The following TMEM145 variants were observed in gnomAD, a reference collection of about 807,000 sequenced individuals.
TMEM145 encodes transmembrane protein 145.
TMEM145 carries 46 observed loss-of-function variants against 68.5 expected under a neutral mutation model. The ratio of observed to expected loss-of-function variants is 0.67; its 90% CI spans 0.53 to 0.86. TMEM145 has a LOEUF of 0.86. TMEM145 is among the 40% of genes least tolerant of loss of function. The pLI is 0.00. For synonymous variants in TMEM145, 255 were observed against 280.2 expected, an observed-to-expected ratio of 0.91 and a Z score of 0.90; for missense variants, 570 against 645.8, an observed-to-expected ratio of 0.88 and a Z score of 1.27.
intron 12 of TMEM145, among the ~76,000 whole-genome samples, chr19:42,319,440 T>G (rs577379224): frequency 4.2e-4 from 64 of 152,306 alleles, no homozygotes; most frequent in African/African-American, 8.7e-4. Context: ...ATCTATTTTT[T>G]TTTGTTTGTT....
intron 13 of TMEM145, 30 bp downstream of exon 13, chr19:42,320,467 G>A (rs776140776): frequency 1.2e-6 from 2 of 1,612,920 alleles, no homozygotes; most frequent in African/African-American, 1.3e-5. Flanking sequence ...GGGGGTGGAG[G>A]GGAGGACCCG....
intron 11 of TMEM145, among the ~76,000 whole-genome samples, 155 bp from the exon 12 acceptor site, chr19:42,317,554 C>G (rs1243557614): frequency 6.6e-6 from 1 of 152,196 alleles, no homozygotes; most frequent in Non-Finnish European, 1.5e-5. Flanking sequence ...CACCCTCTCT[C>G]TCTACCTCAA....
In TMEM145 at chr19:42,324,761, T is replaced by C; in HGVS notation, c.1426T>C (p.Ser476Pro). 1 of 1,559,010 alleles carries C rather than the reference T, an allele frequency of 6.4e-7. No individual in the cohort carries two copies. The highest frequency in any genetic ancestry group is 8.6e-7 in the Non-Finnish European group (1 of 1,160,926). Reference protein sequence around the residue: ...TSPLPRAAPDSGLPLFRDLRP... With the variant: ...TSPLPRAAPDPGLPLFRDLRP... ...GCCCCTGCCCCGAGCGGCGCCGGAT[T>C]CTGGGCTCCCGCTGTTCCGTGACCT... Residue 476 changes from serine (S) to proline (P), a missense_variant, in exon 15 of 15, where the codon TCT becomes CCT. By Grantham distance (74) the Ser-to-Pro change is moderately conservative. Transcript: ENST00000301204.
chr19:42,313,475 G>T lies in TMEM145; in HGVS notation c.99G>T (p.Arg33=). 7.5e-7 allele frequency: 1 copy of T among 1,341,506 alleles called. No individual in the cohort carries two copies. The highest frequency in any genetic ancestry group is 1.5e-5 in the African/African-American group (1 of 65,220). 83.1% of individuals were successfully genotyped at this position (1,341,506 alleles called of 1,614,324 possible). A position where few individuals can be genotyped will look rare whatever the true frequency, so the allele number is the denominator to read the frequency against. ...LPPRARAKYV[R]GNLSSKEDWV... is the part of the protein sequence containing the mutation. ...CCCGCGCCCGGGCCAAGTACGTGCGGGGCAACCTCAGTTCCAAGGAGGTGA... is the reference window on the plus strand; with the variant it reads ...CCCGCGCCCGGGCCAAGTACGTGCGTGGCAACCTCAGTTCCAAGGAGGTGA... Residue 33 remains arginine, a synonymous_variant, in exon 1 of 15, where the codon CGG becomes CGT. Transcript: ENST00000301204. This position sits in a 1 kb window ranked among gnomAD's most constrained non-coding sequence, Gnocchi z 5.1.
chr19:42,314,736 A>G, intron 4 of TMEM145, 37 bp downstream of exon 4: 1 of 1,614,146 alleles, frequency 6.2e-7, no homozygotes, highest in Non-Finnish European at 8.5e-7. Context: ...CAGGTGCTGA[A>G]GGATGAAGCC....
intron 13 of TMEM145, among the ~76,000 whole-genome samples, chr19:42,322,743 T>C (rs921236037): frequency 1.3e-5 from 2 of 151,904 alleles, no homozygotes; most frequent in Admixed American, 6.6e-5. Context: ...TCCTCTGTCG[T>C]CCAGGTTGGA....
chr19:42,320,469 G>T, intron 13 of TMEM145, 32 bp downstream of exon 13: 1 of 1,612,892 alleles, frequency 6.2e-7, no homozygotes, highest in Non-Finnish European at 8.5e-7. Flanking sequence ...GGGTGGAGGG[G>T]AGGACCCGAG....
rs1272609300 is a variant in TMEM145 at position 42,313,435 on chromosome 19, TG to T, written c.60del (p.Leu21CysfsTer25). 1 of 1,379,372 alleles carries T rather than the reference TG, an allele frequency of 7.2e-7. No individual in the cohort carries two copies. Among genetic ancestry groups the T allele is most frequent in the South Asian group, 1.7e-5 (1 of 58,378 alleles). 85.4% of individuals were successfully genotyped at this position (1,379,372 alleles called of 1,614,324 possible). A position where few individuals can be genotyped will look rare whatever the true frequency, so the allele number is the denominator to read the frequency against. ...CTGCTGCCGCCGCTGCTGCTCCTGC[TG>T]CTGTCACTGCCCCCCCGCGCCCGGG... ...RRLLPPLLLLLLSLPPRARAK... is the reference protein window; with the variant it reads ...RRLLPPLLLLXLSLPPRARAK... On this transcript the variant is annotated frameshift_variant, in exon 1 of 15. Coordinates refer to ENST00000301204, the MANE Select transcript of TMEM145 (RefSeq NM_173633.3). LOFTEE classifies it high-confidence loss of function. The surrounding 1 kb of genome is among the most constrained non-coding windows in gnomAD (Gnocchi z 5.1).
Position 42,313,667 on chromosome 19 carries a change from G to A in TMEM145, c.120+171G>A, listed in dbSNP as rs2038825351. Among the ~76,000 whole-genome samples, 1 of 152,138 alleles carries A rather than the reference G, an allele frequency of 6.6e-6. No homozygotes were observed. The highest frequency in any genetic ancestry group is 2.4e-5 in the African/African-American group (1 of 41,446). On this transcript the variant is annotated intron_variant, in intron 1 of 14. Coordinates refer to ENST00000301204, the MANE Select transcript of TMEM145 (RefSeq NM_173633.3). The surrounding 1 kb of genome is among the most constrained non-coding windows in gnomAD (Gnocchi z 5.1). ...ACTGGGCCAGAGTCGAGGCTAAGGG[G>A]AGCCGTAGGGTCGCGGCCAGACCTG...
In TMEM145 at chr19:42,320,442, G is replaced by C; in HGVS notation, c.1194+5G>C. On this transcript the variant is annotated splice_donor_5th_base_variant and intron_variant, in intron 13 of 14. Coordinates refer to ENST00000301204, the MANE Select transcript of TMEM145 (RefSeq NM_173633.3). Reference sequence around the variant, plus strand: ...TACGCCCATGGCGTGTTTCTGGTGAGGATGGGCATCTGTGGGGGGTGGAGG... The same window carrying C: ...TACGCCCATGGCGTGTTTCTGGTGACGATGGGCATCTGTGGGGGGTGGAGG... The C allele has an allele frequency of 6.2e-7, 1 of 1,613,826 alleles. No individual in the cohort carries two copies. The highest frequency in any genetic ancestry group is 8.5e-7 in the Non-Finnish European group (1 of 1,180,014).
In TMEM145 at chr19:42,314,814, G is replaced by A. The variant is rs915648670; in HGVS notation, c.383G>A (p.Arg128His). 1.3e-5 allele frequency: 21 copies of A among 1,614,100 alleles called. No homozygotes were observed. The highest frequency in any genetic ancestry group is 3.3e-5 in the South Asian group (3 of 91,090). Residue 128 changes from arginine to histidine, a missense_variant, in exon 5 of 15, where the codon CGC (arginine) becomes CAC (histidine). Physicochemically the swap from Arg to His is conservative, Grantham distance 29 (BLOSUM62 0). Coordinates refer to ENST00000301204, the MANE Select transcript of TMEM145 (RefSeq NM_173633.3). ...GCQVVSEEGT[R>H]YLSCSSGRSF... ...CAGGTGGTATCAGAGGAGGGAACCC[G>A]CTACCTGAGCTGCTCCAGTGGCCGC... is the stretch of plus-strand genomic sequence containing the variant.
chr19:42,318,596 A>G (rs1003204250), intron 12 of TMEM145, among the ~76,000 whole-genome samples: 1 of 151,676 alleles, frequency 6.6e-6, no homozygotes, highest in African/African-American at 2.4e-5. Flanking sequence ...CTGAGGCAGG[A>G]GAATTGCTTG....
chr19:42,323,767 C>T lies in TMEM145; in HGVS notation c.1379C>T (p.Ser460Phe), dbSNP rs768867486. 3 of 1,614,104 alleles carry T rather than the reference C, an allele frequency of 1.9e-6. No individual in the cohort carries two copies. Among genetic ancestry groups the T allele is most frequent in the Admixed American group, 3.3e-5 (2 of 60,024 alleles). The part of the protein sequence containing the change: ...DSVPNFTELF[S>F]IPPPATSPLP... ...GTGCCCAACTTCACGGAGCTCTTCT[C>T]CATCCCCCCGCCCGCCACCTCCGTA... The change falls in exon 14 of 15, where the codon TCC becomes TTC. Residue 460 changes from serine (S) to phenylalanine (F), a missense_variant. Transcript: ENST00000301204.
chr19:42,317,979 G>T, intron 12 of TMEM145, 98 bp downstream of exon 12: 1 of 1,340,468 alleles, frequency 7.5e-7, no homozygotes, highest in South Asian at 1.3e-5. Flanking sequence ...GAGGGAGATG[G>T]ACTTTTCACT....
In TMEM145 at chr19:42,317,754, G is replaced by A. The variant is rs759662470; in HGVS notation, c.946G>A (p.Gly316Ser). 1.1e-5 allele frequency: 17 copies of A among 1,614,032 alleles called. No individual in the cohort carries two copies. The highest frequency in any genetic ancestry group is 6.7e-5 in the Admixed American group (4 of 59,998). Reference protein sequence around the residue: ...QVLYTYESPAGYGLIGLQVAA... With the variant: ...QVLYTYESPASYGLIGLQVAA... ...ACTGTACACGTATGAGTCGCCGGCC[G>A]GCTACGGGCTCATTGGACTGCAGGT... is the stretch of plus-strand genomic sequence containing the variant. The change falls in exon 12 of 15, where the codon GGC (glycine) becomes AGC (serine). Residue 316 changes from glycine (G) to serine (S), a missense_variant. By Grantham distance (56) the Gly-to-Ser change is moderately conservative. Transcript: ENST00000301204.
rs1307852488 is a variant in TMEM145, at chr19:42,314,536, C to CT, written c.273+9dup. The CT allele has an allele frequency of 3.7e-6, 6 of 1,614,154 alleles. No individual in the cohort carries two copies. The highest frequency in any genetic ancestry group is 3.3e-4 in the Middle Eastern group (2 of 6,062). On this transcript the variant is annotated intron_variant, in intron 3 of 14. Transcript: ENST00000301204. The stretch of plus-strand genomic sequence containing the variant: ...TACAAGGCAGGGGACAAGGTGAGGG[C>CT]TGTGAAGAGGGCATAGGGGGAGAGG...
rs2038874325 is a variant in TMEM145 at position 42,317,848 on chromosome 19, T to A, written c.1040T>A (p.Phe347Tyr). 1 of 1,614,146 alleles carries A rather than the reference T, an allele frequency of 6.2e-7. No homozygotes were observed. The change falls in exon 12 of 15, where the codon TTT becomes TAT. Residue 347 changes from phenylalanine to tyrosine, a missense_variant. Physicochemically the swap from Phe to Tyr is conservative, Grantham distance 22. Transcript: ENST00000301204. ...CGACACTTTCCTGAGAAGCAGCCTT[T>A]TTATGTGCCCTTCTTTGCTGCCTAT... ...SLRHFPEKQP[F>Y]YVPFFAAYTL...
intron 14 of TMEM145, chr19:42,324,504 G>A: frequency 2.0e-6 from 2 of 985,364 alleles, no homozygotes; most frequent in Non-Finnish European, 2.4e-6. Flanking sequence ...CACACGGCCG[G>A]GGGCACTGCA....
chr19:42,323,920 G>A, intron 14 of TMEM145, 131 bp downstream of exon 14: 2 of 793,950 alleles, frequency 2.5e-6, no homozygotes, highest in South Asian at 3.7e-5. Flanking sequence ...CGCACTCCCC[G>A]CGCCCCAACA....
Sources: allele counts gnomAD v4.1 joint callset (sites outside exome capture counted in the v4.1 genomes callset), GRCh38; gene constraint gnomAD v4.1.1; non-coding constraint Gnocchi (gnomAD v3.1); transcripts MANE v1.5; gene names NCBI Gene and HGNC (gene_info 2026-07-23, HGNC 2026-07-21).